Variants in GARNL3 observed in about 807,000 individuals in gnomAD.
GARNL3 encodes the protein GTPase activating Rap/RanGAP domain like 3, also known as GTPase-activating Rap/Ran-GAP domain-like protein 3.
In GARNL3, 63 loss-of-function variants were observed where a neutral mutation model predicts 125.0. That is an observed-to-expected ratio of 0.50 (90% CI 0.41 to 0.62). The LOEUF (loss-of-function observed/expected upper bound fraction) is 0.62. Ranked by LOEUF, GARNL3 falls within the 20% of genes least tolerant of loss-of-function variation. GARNL3 has a pLI of 0.00. For synonymous variants in GARNL3, 439 were observed against 457.5 expected (o/e 0.96, Z 0.52); for missense variants, 994 against 1,244.0 (o/e 0.80, Z 3.02).
chr9:127,253,060 T>G (rs1455818833), intron 2 of GARNL3, among the ~76,000 whole-genome samples: 1 of 152,232 alleles, frequency 6.6e-6, no homozygotes, highest in Non-Finnish European at 1.5e-5. Flanking sequence ...TATAGCATTT[T>G]TATGTCTGAC....
chr9:127,317,640 C>T (rs984729133), intron 4 of GARNL3, among the ~76,000 whole-genome samples: 2 of 151,932 alleles, frequency 1.3e-5, no homozygotes, highest in East Asian at 1.9e-4. Context: ...TCGCTTGAAC[C>T]CAGGAGGCAG....
chr9:127,273,041 C>T (rs912615556), intron 1 of GARNL3, among the ~76,000 whole-genome samples: 2 of 151,984 alleles, frequency 1.3e-5, no homozygotes, highest in Non-Finnish European at 2.9e-5. Flanking sequence ...TTACCACGTA[C>T]CAGTCTCTGT....
intron 2 of GARNL3, among the ~76,000 whole-genome samples, chr9:127,308,620 G>A (rs901819670): frequency 3.3e-5 from 5 of 152,176 alleles, no homozygotes; most frequent in African/African-American, 1.2e-4. Context: ...TGTTGCAGAT[G>A]AAGGGAGTCT....
chr9:127,390,183 A>C (rs1409357142), intron 26 of GARNL3, among the ~76,000 whole-genome samples: 1 of 152,212 alleles, frequency 6.6e-6, no homozygotes, highest in Non-Finnish European at 1.5e-5. Context: ...GATTCAGGCC[A>C]CCTGACAGGG....
chr9:127,327,495 C>T (rs1564143428), intron 7 of GARNL3, among the ~76,000 whole-genome samples: 2 of 152,060 alleles, frequency 1.3e-5, no homozygotes, highest in South Asian at 2.1e-4. Flanking sequence ...AAATTGTTGG[C>T]GGGAGTTGCT....
intron 15 of GARNL3, 80 bp from the exon 16 acceptor site, chr9:127,345,323 A>G: frequency 1.2e-6 from 1 of 802,344 alleles, no homozygotes; most frequent in Non-Finnish European, 2.0e-6. Context: ...GTTTTATTAA[A>G]TTTTTGTCAA....
intron 1 of GARNL3, among the ~76,000 whole-genome samples, chr9:127,267,214 G>A (rs1406436694): frequency 6.6e-6 from 1 of 152,022 alleles, no homozygotes; most frequent in Admixed American, 6.6e-5. Context: ...TTCCTCTGGG[G>A]CCATGACTGT....
Position 127,344,240 on chromosome 9 carries a change from G to A in GARNL3, c.1257G>A (p.Met419Ile). The A allele has an allele frequency of 6.2e-7, 1 of 1,606,132 alleles. No individual in the cohort carries two copies. The highest frequency in any genetic ancestry group is 8.5e-7 in the Non-Finnish European group (1 of 1,176,202). Residue 419 changes from methionine (M) to isoleucine (I), a missense_variant, in exon 15 of 28, where the codon ATG (methionine) becomes ATA (isoleucine). Met to Ile is a conservative substitution (Grantham distance 10). This residue lies in a region of GARNL3 where 728 missense variants were observed against 865.7 expected (regional missense o/e 0.84). Transcript: ENST00000373387. ...QDLMPDLHKN[M>I]LNRRSFSDVL... ...AACTTGTTTTTCTTTTTTAGAACAT[G>A]CTTAATAGACGATCTTTTAGTGATG... is the stretch of plus-strand genomic sequence containing the variant.
chr9:127,311,792 T>G (rs2065105877), intron 3 of GARNL3, 57 bp downstream of exon 3: 1 of 1,165,230 alleles, frequency 8.6e-7, no homozygotes, highest in African/African-American at 1.5e-5. Context: ...GAAGTTAGTG[T>G]TCATATAACT....
chr9:127,229,563 A>G (rs1177688824), intron 1 of GARNL3, among the ~76,000 whole-genome samples: 1 of 152,184 alleles, frequency 6.6e-6, no homozygotes, highest in Non-Finnish European at 1.5e-5. Context: ...TGGCATAATC[A>G]TAGCTCACTG....
chr9:127,277,250 T>C (rs1052179191), intron 1 of GARNL3, among the ~76,000 whole-genome samples: 2 of 152,064 alleles, frequency 1.3e-5, no homozygotes, highest in African/African-American at 4.8e-5. Context: ...CTTGAAGAAA[T>C]ACAAGTAAGA....
At chr9:127,366,694 T>C (rs147695868) in intron 22 of GARNL3, 3 of 152,324 alleles carry the variant, frequency 2.0e-5, no homozygotes, top group Admixed American at 6.5e-5. Context: ...AGCAGGTTTT[T>C]AGAGTGGGAG....
At chr9:127,355,605 T>A in intron 20 of GARNL3, 133 bp downstream of exon 20, 1 of 784,366 alleles carries the variant, frequency 1.3e-6, no homozygotes, top group Non-Finnish European at 2.2e-6. Context: ...CCCTCATCTC[T>A]GGTGCCCTTG....
intron 7 of GARNL3, among the ~76,000 whole-genome samples, chr9:127,331,555 A>G (rs1294583415): frequency 6.6e-6 from 1 of 151,380 alleles, no homozygotes; most frequent in Admixed American, 6.6e-5. Context: ...TAAAAATATG[A>G]TTGAGTCCCT....
At chr9:127,382,889 C>T (rs1832342340) in intron 22 of GARNL3, among the ~76,000 whole-genome samples, 1 of 152,178 alleles carries the variant, frequency 6.6e-6, no homozygotes, top group African/African-American at 2.4e-5. Flanking sequence ...CATCCTTGTC[C>T]TGAATGAGGC....
chr9:127,339,190 G>A (rs1362559319), intron 12 of GARNL3, among the ~76,000 whole-genome samples: 1 of 152,062 alleles, frequency 6.6e-6, no homozygotes, highest in Non-Finnish European at 1.5e-5. Context: ...CCAGCTACTT[G>A]GGAGGCTGAG....
At chr9:127,286,562 C>T (rs1259330796) in intron 1 of GARNL3, among the ~76,000 whole-genome samples, 3 of 152,134 alleles carry the variant, frequency 2.0e-5, no homozygotes, top group South Asian at 2.1e-4. Flanking sequence ...TTACTCTTTA[C>T]GGGCATTTTC....
At chr9:127,232,615 A>G (rs1032010172) in intron 1 of GARNL3, among the ~76,000 whole-genome samples, 2 of 152,174 alleles carry the variant, frequency 1.3e-5, no homozygotes, top group African/African-American at 4.8e-5. Flanking sequence ...AGCCTGCATT[A>G]GCATCTTTCC....
In GARNL3 at chr9:127,270,112, G is replaced by A. The variant is rs75482484; in HGVS notation, c.144+5091G>A. 6.8e-4 allele frequency among the ~76,000 whole-genome samples: 104 copies of A among 152,196 alleles called. 1 individual carries two copies. Among genetic ancestry groups the A allele is most frequent in the African/African-American group, 2.4e-3 (101 of 41,536 alleles). ...AGTTCATTTTTTCTATATGGTGTGA[G>A]GTAAGAGTCCAGCTGCATTCTCTTG... On this transcript the variant is annotated intron_variant, in intron 1 of 27. Coordinates refer to ENST00000373387, the MANE Select transcript of GARNL3 (RefSeq NM_032293.5).
Sources: gnomAD v4.1 joint callset for allele counts (sites outside exome capture counted in the v4.1 genomes callset) on GRCh38, gnomAD v4.1.1 for gene constraint, gnomAD v4.1.1 regional missense constraint, MANE v1.5 for transcripts, NCBI Gene and HGNC (gene_info 2026-07-23, HGNC 2026-07-21) for gene names.